Variants in BRD4 observed in about 807,000 individuals in gnomAD.
The protein encoded by BRD4 is bromodomain-containing protein 4.
Under a neutral mutation model 142.1 loss-of-function variants are expected in BRD4, and 16 were observed. That is an observed-to-expected ratio of 0.11 (90% CI 0.08 to 0.17). The LOEUF is 0.17. BRD4 is among the 10% of genes least tolerant of loss of function. The pLI is 1.00. For synonymous variants in BRD4, 833 were observed against 707.5 expected, an observed-to-expected ratio of 1.18 and a Z score of -2.82; for missense variants, 1,424 against 1,810.9, an observed-to-expected ratio of 0.79 and a Z score of 3.88.
intron 1 of BRD4, among the ~76,000 whole-genome samples, chr19:15,327,773 G>A (rs981880564): frequency 3.3e-5 from 5 of 151,416 alleles, no homozygotes; most frequent in Non-Finnish European, 5.9e-5. Context: ...AAGATGCCAG[G>A]CACAAAAGGT....
In BRD4 at chr19:15,239,788, G is replaced by A. The variant is rs2145502287; in HGVS notation, c.3316C>T (p.Pro1106Ser). 2 of 1,613,072 alleles carry A rather than the reference G, an allele frequency of 1.2e-6. No homozygotes were observed. The highest frequency in any genetic ancestry group is 1.7e-6 in the Non-Finnish European group (2 of 1,179,888). Residue 1106 changes from proline to serine, a missense_variant, in exon 16 of 20, where the codon CCC becomes TCC. Coordinates refer to ENST00000679869, the MANE Select transcript of BRD4 (RefSeq NM_001379291.1). The surrounding 1 kb of genome is among the most constrained non-coding windows in gnomAD (Gnocchi z 7.4). The stretch of plus-strand genomic sequence containing the variant: ...TTCTCCTCCTTCACCACCACGAGGG[G>A]CTGGGGCTGGACCACGGAGGCAGCA... ...LRAASVVQPQ[P>S]LVVVKEEKIH... is the part of the protein sequence containing the mutation.
intron 1 of BRD4, among the ~76,000 whole-genome samples, chr19:15,286,451 TA>T (rs1432728593): frequency 6.6e-6 from 1 of 152,222 alleles, no homozygotes; most frequent in Non-Finnish European, 1.5e-5. Flanking sequence ...TGAAACTCCA[TA>T]CTTGCACATC....
chr19:15,296,687 A>G (rs1326633774), intron 1 of BRD4, among the ~76,000 whole-genome samples: 1 of 152,214 alleles, frequency 6.6e-6, no homozygotes, highest in Non-Finnish European at 1.5e-5. Flanking sequence ...CTGACCGTCC[A>G]GCCACACTGA....
rs748581170 is a variant in BRD4 at position 15,243,406 on chromosome 19, G to T, written c.2663C>A (p.Pro888Gln). 1.8e-5 allele frequency: 28 copies of T among 1,559,130 alleles called. No homozygotes were observed. The highest frequency in any genetic ancestry group is 2.3e-5 in the Non-Finnish European group (27 of 1,156,174). Residue 888 changes from proline (P) to glutamine (Q), a missense_variant, in exon 14 of 20, where the codon CCA becomes CAA. By Grantham distance (76) the Pro-to-Gln change is moderately conservative. Around this residue, in one of 16 missense-constraint regions of BRD4, gnomAD observed 598 missense variants for 647.8 expected, o/e 0.92. Transcript: ENST00000679869. ...TTGGGTCAAGGCTGGTGACACGGCT[G>T]GGGGCCGGGCGGGCTTGGGAGGCAG... ...AALPPKPARP[P>Q]AVSPALTQTP...
intron 1 of BRD4, among the ~76,000 whole-genome samples, chr19:15,309,417 A>G (rs1233276372): frequency 1.3e-5 from 2 of 152,168 alleles, no homozygotes; most frequent in Non-Finnish European, 2.9e-5. Context: ...CTAAAAGACA[A>G]ACAACAATTG....
In BRD4 at chr19:15,237,512, G is replaced by A. The variant is rs776107705; in HGVS notation, c.*865C>T. 1.8e-5 allele frequency: 4 copies of A among 226,020 alleles called. No individual in the cohort carries two copies. Among genetic ancestry groups the A allele is most frequent in the South Asian group, 1.8e-4 (1 of 5,460 alleles). 14.0% of individuals were successfully genotyped at this position (226,020 alleles called of 1,614,324 possible). ...CACTACCCACAGCGCGGTGGCAGCC[G>A]CTGCTCAATGAGGAGACGATCACAC... On this transcript the variant is annotated 3_prime_UTR_variant, in exon 20 of 20. Coordinates refer to ENST00000679869, the MANE Select transcript of BRD4 (RefSeq NM_001379291.1).
At chr19:15,324,382 T>C (rs944262421) in intron 1 of BRD4, among the ~76,000 whole-genome samples, 1 of 152,242 alleles carries the variant, frequency 6.6e-6, no homozygotes, top group Non-Finnish European at 1.5e-5. Context: ...AGGCAACCTT[T>C]GTGGAACCGG....
chr19:15,323,226 C>T (rs2048079637), intron 1 of BRD4, among the ~76,000 whole-genome samples: 1 of 129,570 alleles, frequency 7.7e-6, no homozygotes, highest in South Asian at 2.7e-4. Context: ...TCTTAAAATC[C>T]AGATTCTGAT....
intron 1 of BRD4, among the ~76,000 whole-genome samples, chr19:15,315,577 G>A (rs776505150): frequency 1.3e-5 from 2 of 152,156 alleles, no homozygotes; most frequent in Non-Finnish European, 2.9e-5. Flanking sequence ...TTCAAGGGCC[G>A]GGCATGGTGG....
In BRD4 at chr19:15,249,368, C is replaced by G. The variant is rs1232338269; in HGVS notation, c.2159-4606G>C. ...ATTTAAGTCACAAGAACAGAAGAAC[C>G]GCAGACTGAGCCAACCTCCTGCGCC... is the stretch of plus-strand genomic sequence containing the variant. On this transcript the variant is annotated intron_variant, in intron 11 of 19. Coordinates refer to ENST00000679869, the MANE Select transcript of BRD4 (RefSeq NM_001379291.1). The G allele has an allele frequency of 5.0e-6, 8 of 1,610,774 alleles. No individual in the cohort carries two copies. The African/African-American group carries it at 9.3e-5, about 19-fold the overall frequency.
chr19:15,244,210 C>T lies in BRD4; in HGVS notation c.2581+21G>A, dbSNP rs977651223. On this transcript the variant is annotated intron_variant, in intron 13 of 19. Coordinates refer to ENST00000679869, the MANE Select transcript of BRD4 (RefSeq NM_001379291.1). ...AGGCAGGAAGGGGTCTCAACCCACA[C>T]TGGGGCAGGCCACGGCTCACCTGGA... 5.2e-6 allele frequency: 8 copies of T among 1,544,894 alleles called. No homozygotes were observed. The Admixed American group carries it at 5.9e-5, about 11-fold the overall frequency.
intron 11 of BRD4, chr19:15,253,493 G>C (rs1180305043): frequency 6.9e-7 from 1 of 1,456,452 alleles, no homozygotes; most frequent in Non-Finnish European, 9.3e-7. Context: ...TGAAAAGAAG[G>C]GACTGTTAGT....
rs1568378604 is a variant in BRD4 at position 15,244,595 on chromosome 19, A to ATGG, written c.2214_2216dup (p.His743dup). On this transcript the variant is annotated inframe_insertion, in exon 13 of 20. Transcript: ENST00000679869. ...GCTGCATCTGCTGATGGTGGTGATG[A>ATGG]TGGTGCTGCAGACAGAGAGACAGAC... is the stretch of plus-strand genomic sequence containing the variant. 6.2e-7 allele frequency: 1 copy of ATGG among 1,611,718 alleles called. No individual in the cohort carries two copies. Among genetic ancestry groups the ATGG allele is most frequent in the East Asian group, 2.2e-5 (1 of 44,852 alleles).
chr19:15,242,151 A>T (rs2047242911), intron 14 of BRD4, among the ~76,000 whole-genome samples: 1 of 152,106 alleles, frequency 6.6e-6, no homozygotes, highest in East Asian at 1.9e-4. Context: ...GAGTAATCAC[A>T]GCCCTGCCTC....
At chr19:15,251,886 C>T (rs1191336058) in intron 11 of BRD4, among the ~76,000 whole-genome samples, 1 of 152,156 alleles carries the variant, frequency 6.6e-6, no homozygotes, top group African/African-American at 2.4e-5. Context: ...GGGAGGGCGC[C>T]TGGGAAGAGG....
At chr19:15,263,363 T>C (rs2047495195) in intron 7 of BRD4, 57 bp downstream of exon 7, 3 of 1,576,752 alleles carry the variant, frequency 1.9e-6, no homozygotes, top group Non-Finnish European at 1.7e-6. Flanking sequence ...AGAAGTCTGC[T>C]CCCACGAGGA....
At chr19:15,280,220 A>G (rs2047692357) in intron 1 of BRD4, 8 of 1,000,664 alleles carry the variant, frequency 8.0e-6, no homozygotes, top group Non-Finnish European at 9.6e-6. Flanking sequence ...CATTTGGAAC[A>G]GTGTGTGCTT....
At chr19:15,275,924 G>A (rs1326817427) in intron 1 of BRD4, 1 of 152,216 alleles carries the variant, frequency 6.6e-6, no homozygotes, top group Admixed American at 6.5e-5. Context: ...AACCTGGGAG[G>A]CGGAAACTGC....
intron 1 of BRD4, among the ~76,000 whole-genome samples, chr19:15,330,083 CCTT>C (rs1210095090): frequency 2.0e-5 from 3 of 152,234 alleles, no homozygotes; most frequent in Non-Finnish European, 2.9e-5. Context: ...TCAGCAGCTA[CCTT>C]CTTATCTTTC....
Sources: allele counts gnomAD v4.1 joint callset (sites outside exome capture counted in the v4.1 genomes callset), GRCh38; gene constraint gnomAD v4.1.1; regional missense constraint gnomAD v4.1.1; non-coding constraint Gnocchi (gnomAD v3.1); transcripts MANE v1.5; gene names NCBI Gene and HGNC (gene_info 2026-07-23, HGNC 2026-07-21).